Variants in CSNK2A2IP observed in about 807,000 individuals in gnomAD.
CSNK2A2IP encodes the protein casein kinase II subunit alpha'-interacting protein.
At chr3:88,449,854 C>CACACACACACATATATAT in the CSNK2A2IP span, among the ~76,000 whole-genome samples, 1 of 84,442 alleles carries the variant, frequency 1.2e-5, no homozygotes, top group African/African-American at 4.0e-5. Flanking sequence ...CACACACACA[C>CACACACACACATATATAT]ATATATATAT....
At chr3:88,382,668 G>A in the CSNK2A2IP span, 1 of 152,080 alleles carries the variant, frequency 6.6e-6, no homozygotes, top group East Asian at 1.9e-4. Context: ...AGGGCATTGG[G>A]CCCAGTGTTA....
the CSNK2A2IP span, among the ~76,000 whole-genome samples, chr3:88,435,383 GA>G: frequency 6.6e-6 from 1 of 152,098 alleles, no homozygotes; most frequent in Non-Finnish European, 1.5e-5. Context: ...GGGCTTCTGA[GA>G]AAAATTTAAT....
At chr3:88,450,533 A>G in the CSNK2A2IP span, among the ~76,000 whole-genome samples, 1 of 152,176 alleles carries the variant, frequency 6.6e-6, no homozygotes, top group African/African-American at 2.4e-5. Context: ...AAAGGAGATC[A>G]TACAATAATT....
chr3:88,418,555 T>TA, the CSNK2A2IP span, among the ~76,000 whole-genome samples: 320 of 152,228 alleles, frequency 2.1e-3, no homozygotes, highest in Admixed American at 3.7e-3. Flanking sequence ...TTTTACTACT[T>TA]ACAATTAGCC....
At chr3:88,343,006 G>C in the CSNK2A2IP span, 1 of 151,830 alleles carries the variant, frequency 6.6e-6, no homozygotes, top group African/African-American at 2.4e-5. Context: ...CCTAAGGGTG[G>C]GAGACATAAT....
chr3:88,419,826 A>G, the CSNK2A2IP span, among the ~76,000 whole-genome samples: 3 of 152,224 alleles, frequency 2.0e-5, no homozygotes, highest in Non-Finnish European at 1.5e-5. Context: ...TAATTATAAA[A>G]CAAACATTAT....
the CSNK2A2IP span, among the ~76,000 whole-genome samples, chr3:88,350,280 C>G: frequency 6.6e-6 from 1 of 152,108 alleles, no homozygotes; most frequent in African/African-American, 2.4e-5. Context: ...TTCCCTTTCT[C>G]TGAGTTACCA....
the CSNK2A2IP span, among the ~76,000 whole-genome samples, chr3:88,383,445 T>A: frequency 6.6e-6 from 1 of 152,144 alleles, no homozygotes; most frequent in Non-Finnish European, 1.5e-5. Context: ...GTAAAATACA[T>A]AAAATACATA....
At chr3:88,340,130 CTTG>C in the CSNK2A2IP span, among the ~76,000 whole-genome samples, 1 of 151,898 alleles carries the variant, frequency 6.6e-6, no homozygotes, top group South Asian at 2.1e-4. Flanking sequence ...GTGATTATGA[CTTG>C]TTGAGAGTAT....
the CSNK2A2IP span, among the ~76,000 whole-genome samples, chr3:88,432,976 C>T: frequency 6.6e-5 from 10 of 151,664 alleles, no homozygotes; most frequent in African/African-American, 1.5e-4. Flanking sequence ...GGAAGCAGAA[C>T]GAGTCTGAGT....
chr3:88,341,917 T>A, the CSNK2A2IP span, among the ~76,000 whole-genome samples: 1 of 151,946 alleles, frequency 6.6e-6, no homozygotes, highest in Non-Finnish European at 1.5e-5. Flanking sequence ...TACTTAGTGT[T>A]TTGTCTCTTG....
the CSNK2A2IP span, among the ~76,000 whole-genome samples, chr3:88,345,734 T>G: frequency 6.6e-6 from 1 of 151,600 alleles, no homozygotes; most frequent in African/African-American, 2.4e-5. Context: ...CTCTCTTTCT[T>G]TAGATCTCCC....
At chr3:88,430,158 G>C in the CSNK2A2IP span, among the ~76,000 whole-genome samples, 2 of 152,036 alleles carry the variant, frequency 1.3e-5, no homozygotes, top group African/African-American at 4.8e-5. Flanking sequence ...CATGCATGAT[G>C]AATGTTTCAA....
At chr3:88,351,228 T>C in the CSNK2A2IP span, among the ~76,000 whole-genome samples, 1 of 152,142 alleles carries the variant, frequency 6.6e-6, no homozygotes, top group East Asian at 1.9e-4. Flanking sequence ...TAATAACAAA[T>C]TCAGAGAGAG....
chr3:88,348,362 A>G, the CSNK2A2IP span, among the ~76,000 whole-genome samples: 1 of 152,072 alleles, frequency 6.6e-6, no homozygotes. Context: ...TCTTTATGTA[A>G]TAATGGGTCA....
the CSNK2A2IP span, among the ~76,000 whole-genome samples, chr3:88,342,519 C>T: frequency 6.6e-6 from 1 of 151,896 alleles, no homozygotes; most frequent in Non-Finnish European, 1.5e-5. Flanking sequence ...TGGTGTCTCT[C>T]TTGAATCTGT....
chr3:88,373,803 G>A, the CSNK2A2IP span, among the ~76,000 whole-genome samples: 1 of 151,414 alleles, frequency 6.6e-6, no homozygotes, highest in East Asian at 1.9e-4. Context: ...TAAAAGATGA[G>A]CTATCAGAAT....
At chr3:88,424,658 A>G in the CSNK2A2IP span, among the ~76,000 whole-genome samples, 5 of 152,190 alleles carry the variant, frequency 3.3e-5, no homozygotes, top group African/African-American at 1.2e-4. Flanking sequence ...GCTGATATCT[A>G]TAATTCAGCT....
chr3:88,462,680 A>C, the CSNK2A2IP span, among the ~76,000 whole-genome samples: 6 of 152,230 alleles, frequency 3.9e-5, no homozygotes, highest in Non-Finnish European at 7.3e-5. Flanking sequence ...TGAAGCTGCC[A>C]GGGATGATTT....
Sources: allele counts gnomAD v4.1 joint callset (sites outside exome capture counted in the v4.1 genomes callset), GRCh38; gene constraint gnomAD v4.1.1; transcripts MANE v1.5; gene names NCBI Gene and HGNC (gene_info 2026-07-23, HGNC 2026-07-21).